The following ADAMTSL1 variants were observed in gnomAD, a reference collection of about 807,000 sequenced individuals.
ADAMTSL1 encodes the protein ADAMTS-like protein 1.
A neutral mutation model predicts 201.8 loss-of-function variants in ADAMTSL1; 126 were observed. The observed-to-expected ratio is 0.62, with a 90% CI of 0.54 to 0.72. ADAMTSL1 has a LOEUF of 0.72. ADAMTSL1 is among the 30% of genes least tolerant of loss of function. The pLI is 0.00. For missense variants in ADAMTSL1, 2,679 were observed against 2,277.8 expected, an observed-to-expected ratio of 1.18 and a Z score of -3.59; for synonymous variants, 1,121 against 903.4, an observed-to-expected ratio of 1.24 and a Z score of -4.32.
intron 1 of ADAMTSL1, among the ~76,000 whole-genome samples, chr9:17,928,101 T>G (rs893021898): frequency 2.0e-5 from 3 of 151,762 alleles, no homozygotes; most frequent in Non-Finnish European, 1.5e-5. Flanking sequence ...CTCAGGTGAT[T>G]CTCCCACCTT....
intron 1 of ADAMTSL1, among the ~76,000 whole-genome samples, chr9:18,071,120 G>T (rs146600551): frequency 3.3e-5 from 5 of 152,170 alleles, no homozygotes; most frequent in African/African-American, 1.2e-4. Context: ...GATTGCTGTC[G>T]GGGTTTAAGT....
chr9:18,128,521 G>C (rs1226256336), intron 1 of ADAMTSL1, among the ~76,000 whole-genome samples: 1 of 152,056 alleles, frequency 6.6e-6, no homozygotes, highest in South Asian at 2.1e-4. Flanking sequence ...ATTTTGCCCA[G>C]GCTGGTCTCA....
intron 3 of ADAMTSL1, among the ~76,000 whole-genome samples, chr9:18,562,046 G>T (rs554217193): frequency 6.6e-6 from 1 of 152,246 alleles, no homozygotes; most frequent in African/African-American, 2.4e-5. Context: ...TGTTATGTGT[G>T]AATCTGATCC....
intron 2 of ADAMTSL1, among the ~76,000 whole-genome samples, chr9:18,414,963 G>C (rs1818609075): frequency 6.6e-6 from 1 of 152,186 alleles, no homozygotes; most frequent in African/African-American, 2.4e-5. Flanking sequence ...TAGACTGCTA[G>C]GAAAGTCTTG....
intron 17 of ADAMTSL1, among the ~76,000 whole-genome samples, chr9:18,773,376 T>C (rs746031510): frequency 2.6e-5 from 4 of 151,874 alleles, no homozygotes; most frequent in Non-Finnish European, 5.9e-5. Flanking sequence ...TCCTATTTTA[T>C]GGAAGTTGCT....
At chr9:18,296,944 A>T (rs752645280) in intron 2 of ADAMTSL1, among the ~76,000 whole-genome samples, 2 of 152,234 alleles carry the variant, frequency 1.3e-5, no homozygotes, top group Non-Finnish European at 2.9e-5. Context: ...GCTGAAGTTG[A>T]GTACTTTTTA....
chr9:18,460,747 G>A (rs1485185939), intron 2 of ADAMTSL1, among the ~76,000 whole-genome samples: 1 of 152,124 alleles, frequency 6.6e-6, no homozygotes. Context: ...CCCATGAGAA[G>A]CCTCCAAGAC....
At chr9:18,601,424 A>G (rs1026592288) in intron 4 of ADAMTSL1, among the ~76,000 whole-genome samples, 4 of 152,198 alleles carry the variant, frequency 2.6e-5, no homozygotes, top group Non-Finnish European at 5.9e-5. Flanking sequence ...GCAAAAAATA[A>G]CTTAGCTCTA....
intron 1 of ADAMTSL1, among the ~76,000 whole-genome samples, chr9:17,992,793 A>C (rs16936191): frequency 0.014 from 2,104 of 152,310 alleles, 50 homozygotes; most frequent in African/African-American, 0.048. Context: ...ACTTACGAGA[A>C]GAAAACTGAG....
chr9:18,285,135 C>G (rs547461819), intron 2 of ADAMTSL1, among the ~76,000 whole-genome samples: 159 of 152,078 alleles, frequency 1.0e-3, no homozygotes, highest in African/African-American at 3.7e-3. Context: ...CTAAATTGTC[C>G]TACCAAAAAA....
intron 1 of ADAMTSL1, among the ~76,000 whole-genome samples, chr9:18,141,804 G>A (rs957309625): frequency 2.0e-5 from 3 of 152,160 alleles, no homozygotes; most frequent in African/African-American, 7.2e-5. Context: ...ACCAACAGGC[G>A]TTACTGAGAA....
At chr9:18,348,767 T>C (rs1400049277) in intron 2 of ADAMTSL1, among the ~76,000 whole-genome samples, 1 of 152,170 alleles carries the variant, frequency 6.6e-6, no homozygotes, top group Non-Finnish European at 1.5e-5. Flanking sequence ...TTCTTTCCAT[T>C]GAACCTCAAA....
chr9:18,417,029 C>G (rs1474157223), intron 2 of ADAMTSL1, among the ~76,000 whole-genome samples: 1 of 151,910 alleles, frequency 6.6e-6, no homozygotes, highest in Admixed American at 6.6e-5. Flanking sequence ...CATAAAACAA[C>G]TTTTCAATAA....
In ADAMTSL1 at chr9:18,676,008, A is replaced by G. The variant is rs927529619; in HGVS notation, c.1136+101A>G. ...ACATATACATAGAGAGAGAGATTAT[A>G]TGTTTTTAAGATGGTAGATGGTATA... On this transcript the variant is annotated intron_variant, in intron 10 of 28. Transcript: ENST00000380548. The G allele has an allele frequency of 5.1e-6, 6 of 1,180,312 alleles. No homozygotes were observed. In the African/African-American group the frequency reaches 6.2e-5, roughly 12 times the overall value. The allele number at this position is 1,180,312 out of a possible 1,614,324, so 73.1% of individuals were successfully genotyped here. A position where few individuals can be genotyped will look rare whatever the true frequency, so the allele number is the denominator to read the frequency against.
intron 23 of ADAMTSL1, among the ~76,000 whole-genome samples, chr9:18,856,364 T>C (rs752295927): frequency 2.6e-5 from 4 of 151,988 alleles, no homozygotes; most frequent in Non-Finnish European, 5.9e-5. Flanking sequence ...ATGATAATAA[T>C]TGGCTAACTA....
intron 3 of ADAMTSL1, among the ~76,000 whole-genome samples, chr9:18,549,447 C>A (rs527445176): frequency 1.3e-5 from 2 of 152,076 alleles, no homozygotes; most frequent in South Asian, 2.1e-4. Flanking sequence ...CATGGACTTT[C>A]ACTAACATAA....
intron 1 of ADAMTSL1, among the ~76,000 whole-genome samples, chr9:17,974,224 T>C (rs1050185413): frequency 2.0e-5 from 3 of 151,928 alleles, no homozygotes; most frequent in Non-Finnish European, 2.9e-5. Context: ...CTATTCAACA[T>C]AGTGTTGGCA....
At chr9:18,220,150 T>C (rs1830202075) in intron 2 of ADAMTSL1, among the ~76,000 whole-genome samples, 1 of 152,166 alleles carries the variant, frequency 6.6e-6, no homozygotes, top group African/African-American at 2.4e-5. Context: ...CAAGATCAAA[T>C]TCGTATCTTT....
At chr9:18,104,342 C>G (rs143053981) in intron 1 of ADAMTSL1, among the ~76,000 whole-genome samples, 1 of 152,086 alleles carries the variant, frequency 6.6e-6, no homozygotes, top group Non-Finnish European at 1.5e-5. Flanking sequence ...AATAAAGGGA[C>G]GAAGTCAGGG....
Sources: allele counts gnomAD v4.1 joint callset (sites outside exome capture counted in the v4.1 genomes callset), GRCh38; gene constraint gnomAD v4.1.1; transcripts MANE v1.5; gene names NCBI Gene and HGNC (gene_info 2026-07-23, HGNC 2026-07-21).